The following XPR1 variants were observed in gnomAD, a reference collection of about 807,000 sequenced individuals.
XPR1 encodes the protein xenotropic and polytropic retrovirus receptor 1.
A neutral mutation model predicts 87.5 loss-of-function variants in XPR1; 28 were observed. The observed-to-expected ratio is 0.32, with a 90% CI of 0.24 to 0.44. XPR1 has a LOEUF of 0.44. Ranked by LOEUF, XPR1 falls within the 20% of genes least tolerant of loss-of-function variation. The probability of loss-of-function intolerance (pLI) is 1.00; values close to 1 mark genes in which losing one functional copy is unlikely to be tolerated. For missense variants in XPR1, 559 were observed against 862.3 expected (o/e 0.65, Z 4.41); for synonymous variants, 300 against 306.1 (o/e 0.98, Z 0.21).
intron 1 of XPR1, among the ~76,000 whole-genome samples, chr1:180,645,024 T>C (rs1473958619): frequency 6.6e-6 from 1 of 152,086 alleles, no homozygotes; most frequent in African/African-American, 2.4e-5. Flanking sequence ...AGATAGGAAG[T>C]TGGAAATGGA....
chr1:180,753,064 C>G (rs1374779552), intron 2 of XPR1, among the ~76,000 whole-genome samples: 2 of 152,178 alleles, frequency 1.3e-5, no homozygotes, highest in East Asian at 3.8e-4. Context: ...GCAGCATGAT[C>G]TGAATTTGAA....
chr1:180,683,502 A>G (rs1473272202), intron 2 of XPR1, among the ~76,000 whole-genome samples: 2 of 152,102 alleles, frequency 1.3e-5, no homozygotes, highest in East Asian at 1.9e-4. Flanking sequence ...GGCTGGGTCA[A>G]ATGGTATTTC....
chr1:180,801,899 C>T (rs1157850035), intron 3 of XPR1, among the ~76,000 whole-genome samples: 2 of 151,726 alleles, frequency 1.3e-5, no homozygotes, highest in Non-Finnish European at 2.9e-5. Context: ...CGAATTCAAG[C>T]AATTCTCTTG....
At chr1:180,843,822 T>A (rs1651593726) in intron 11 of XPR1, among the ~76,000 whole-genome samples, 1 of 152,184 alleles carries the variant, frequency 6.6e-6, no homozygotes, top group Non-Finnish European at 1.5e-5. Flanking sequence ...CTACATAAAT[T>A]ATGTTGCATT....
chr1:180,672,776 C>T (rs1656227439), intron 1 of XPR1, among the ~76,000 whole-genome samples: 1 of 151,892 alleles, frequency 6.6e-6, no homozygotes, highest in Non-Finnish European at 1.5e-5. Context: ...ACATAATGCA[C>T]ATATTTAAAA....
intron 2 of XPR1, among the ~76,000 whole-genome samples, chr1:180,726,554 T>TCACCCCTC: frequency 6.6e-6 from 1 of 152,334 alleles, no homozygotes; most frequent in African/African-American, 2.4e-5. Context: ...TGTTATCCAT[T>TCACCCCTC]CACCCCTCTT....
intron 2 of XPR1, among the ~76,000 whole-genome samples, chr1:180,726,022 C>T (rs1344017146): frequency 6.6e-6 from 1 of 152,156 alleles, no homozygotes; most frequent in Non-Finnish European, 1.5e-5. Flanking sequence ...GAGGTGAAGC[C>T]AGCTGGACTT....
chr1:180,839,247 G>C (rs1368481749), intron 11 of XPR1, among the ~76,000 whole-genome samples: 1 of 152,040 alleles, frequency 6.6e-6, no homozygotes. Flanking sequence ...AAAGCAAAGA[G>C]TTGAAAATAA....
At chr1:180,656,783 C>T (rs922832105) in intron 1 of XPR1, among the ~76,000 whole-genome samples, 1 of 146,278 alleles carries the variant, frequency 6.8e-6, no homozygotes, top group East Asian at 2.0e-4. Flanking sequence ...CTATTGTGAA[C>T]AGTGCTGCAA....
chr1:180,790,147 G>A (rs1413268637), intron 3 of XPR1, among the ~76,000 whole-genome samples: 1 of 151,932 alleles, frequency 6.6e-6, no homozygotes, highest in African/African-American at 2.4e-5. Context: ...TCTCCCAAAT[G>A]CCTATAGACA....
At chr1:180,818,707 T>G (rs1352427288) in intron 7 of XPR1, among the ~76,000 whole-genome samples, 2 of 152,176 alleles carry the variant, frequency 1.3e-5, no homozygotes, top group Non-Finnish European at 2.9e-5. Flanking sequence ...TTCTTAAAAA[T>G]GATACTAATT....
rs1195804590 is a variant in XPR1 at position 180,659,071 on chromosome 1, T to TCTTC, written c.70-23270_70-23267dup. ...ATTAGGGATATTGGCCTGTAGCCAG[T>TCTTC]CTTCCTTCCTTCCTTCCTTCCTCCC... On this transcript the variant is annotated intron_variant, in intron 1 of 14. Transcript: ENST00000367590. Among the ~76,000 whole-genome samples the TCTTC allele has an allele frequency of 2.2e-4, 33 of 151,656 alleles. 1 individual carries two copies. Among genetic ancestry groups the TCTTC allele is most frequent in the South Asian group, 1.7e-3 (8 of 4,802 alleles).
chr1:180,858,907 T>C (rs1003109987), intron 11 of XPR1, among the ~76,000 whole-genome samples: 5 of 152,196 alleles, frequency 3.3e-5, no homozygotes, highest in Admixed American at 2.0e-4. Flanking sequence ...ACAGTATTAA[T>C]CTGACAATTC....
chr1:180,663,451 G>A (rs771373372), intron 1 of XPR1, among the ~76,000 whole-genome samples: 4 of 152,178 alleles, frequency 2.6e-5, no homozygotes, highest in Non-Finnish European at 5.9e-5. Context: ...GGATTGTCAG[G>A]TAGAGACTCT....
intron 11 of XPR1, among the ~76,000 whole-genome samples, chr1:180,861,388 G>T (rs1652216527): frequency 6.6e-6 from 1 of 151,944 alleles, no homozygotes; most frequent in Non-Finnish European, 1.5e-5. Context: ...ATGAATTGTA[G>T]TATCTTTTTT....
chr1:180,694,020 A>G (rs1657080930), intron 2 of XPR1, among the ~76,000 whole-genome samples: 1 of 152,182 alleles, frequency 6.6e-6, no homozygotes, highest in African/African-American at 2.4e-5. Flanking sequence ...TGCAGTGGCA[A>G]AATCATAGCC....
At chr1:180,662,032 C>T (rs73049484) in intron 1 of XPR1, among the ~76,000 whole-genome samples, 4,890 of 152,214 alleles carry the variant, frequency 0.032, 181 homozygotes, top group African/African-American at 0.088. Context: ...TCTTATTTTA[C>T]TATGTGTTGA....
At chr1:180,846,825 G>C (rs186865596) in intron 11 of XPR1, among the ~76,000 whole-genome samples, 1 of 148,420 alleles carries the variant, frequency 6.7e-6, no homozygotes, top group Non-Finnish European at 1.5e-5. Flanking sequence ...GAAACTTTTC[G>C]TACACTACAC....
At chr1:180,774,539 C>A (rs1276365199) in intron 2 of XPR1, among the ~76,000 whole-genome samples, 1 of 151,566 alleles carries the variant, frequency 6.6e-6, no homozygotes, top group Non-Finnish European at 1.5e-5. Flanking sequence ...TACAGGCACC[C>A]GCCACCATGC....
Sources: gnomAD v4.1 joint callset for allele counts (sites outside exome capture counted in the v4.1 genomes callset) on GRCh38, gnomAD v4.1.1 for gene constraint, MANE v1.5 for transcripts, NCBI Gene and HGNC (gene_info 2026-07-23, HGNC 2026-07-21) for gene names.